The following NELL1 variants were observed in gnomAD, a reference collection of about 807,000 sequenced individuals.
The protein encoded by NELL1 is protein kinase C-binding protein NELL1.
NELL1 carries 76 observed loss-of-function variants against 107.4 expected under a neutral mutation model. The ratio of observed to expected loss-of-function variants is 0.71; its 90% confidence interval spans 0.59 to 0.86. The LOEUF (loss-of-function observed/expected upper bound fraction) is 0.86. Among genes scored for constraint, NELL1 ranks in the 40% least tolerant of loss-of-function variants. NELL1 has a pLI of 0.00. For synonymous variants in NELL1, 353 were observed against 341.2 expected (o/e 1.03, Z -0.38); for missense variants, 1,024 against 1,005.5 (o/e 1.02, Z -0.25).
At chr11:21,119,905 T>C (rs963900884) in intron 13 of NELL1, among the ~76,000 whole-genome samples, 3 of 152,032 alleles carry the variant, frequency 2.0e-5, no homozygotes, top group Admixed American at 6.6e-5. Context: ...ACGCAGGCAG[T>C]TTTAAAGGAG....
Position 20,743,534 on chromosome 11 carries a change from T to A in NELL1, c.185-40146T>A, listed in dbSNP as rs117002194. ...ATTTTCTTTTGTAATTAGTTGTATA[T>A]CTTCTTTAGCCATCACCTAAAGCTA... On this transcript the variant is annotated intron_variant, in intron 2 of 19. Transcript: ENST00000357134. Among the ~76,000 whole-genome samples, 1,408 of 152,302 alleles carry A rather than the reference T, an allele frequency of 9.2e-3. 15 individuals carry two copies. Among genetic ancestry groups the A allele is most frequent in the Admixed American group, 0.019 (291 of 15,294 alleles).
intron 15 of NELL1, among the ~76,000 whole-genome samples, chr11:21,436,799 GT>G (rs991961896): frequency 6.6e-6 from 1 of 151,834 alleles, no homozygotes; most frequent in Non-Finnish European, 1.5e-5. Context: ...TGTCCCATTG[GT>G]TTTGGTATGT....
intron 3 of NELL1, among the ~76,000 whole-genome samples, chr11:20,804,611 G>A (rs964256091): frequency 6.6e-6 from 1 of 152,094 alleles, no homozygotes; most frequent in Non-Finnish European, 1.5e-5. Flanking sequence ...TCTTGTTACT[G>A]ATTTCTAATT....
chr11:21,264,750 A>G (rs1231427649), intron 14 of NELL1, among the ~76,000 whole-genome samples: 2 of 149,838 alleles, frequency 1.3e-5, no homozygotes, highest in African/African-American at 4.9e-5. Context: ...ACAGTTGTGG[A>G]GTGTGTGTGT....
chr11:21,510,650 A>G (rs1855412335), intron 15 of NELL1, among the ~76,000 whole-genome samples: 1 of 152,116 alleles, frequency 6.6e-6, no homozygotes, highest in South Asian at 2.1e-4. Context: ...GAAAAGGTAT[A>G]CCTGTGACTG....
intron 3 of NELL1, among the ~76,000 whole-genome samples, chr11:20,833,854 A>G (rs1391191436): frequency 2.0e-5 from 3 of 152,130 alleles, no homozygotes; most frequent in Non-Finnish European, 2.9e-5. Context: ...GAAGACTTGA[A>G]AGAACGTTGG....
intron 2 of NELL1, among the ~76,000 whole-genome samples, chr11:20,756,715 C>T (rs776026604): frequency 1.3e-5 from 2 of 151,790 alleles, no homozygotes; most frequent in Non-Finnish European, 2.9e-5. Context: ...AACAGCATCC[C>T]GGGCCTCCAC....
intron 14 of NELL1, among the ~76,000 whole-genome samples, chr11:21,261,704 G>T (rs1848536723): frequency 6.6e-6 from 1 of 151,728 alleles, no homozygotes; most frequent in Non-Finnish European, 1.5e-5. Flanking sequence ...CTGCCTCAAA[G>T]GAAAAATCTG....
At chr11:20,919,484 A>G (rs1850331809) in intron 7 of NELL1, 150 bp downstream of exon 7, 4 of 547,822 alleles carry the variant, frequency 7.3e-6, no homozygotes, top group Admixed American at 6.7e-5. Context: ...AAATAGGACT[A>G]CCAATAGTAA....
At chr11:21,242,918 C>A (rs1336707284) in intron 14 of NELL1, among the ~76,000 whole-genome samples, 1 of 152,152 alleles carries the variant, frequency 6.6e-6, no homozygotes, top group African/African-American at 2.4e-5. Context: ...TCCACCTGAG[C>A]TCTGGACCTT....
chr11:21,494,049 T>C (rs1456447234), intron 15 of NELL1, among the ~76,000 whole-genome samples: 1 of 151,980 alleles, frequency 6.6e-6, no homozygotes, highest in African/African-American at 2.4e-5. Flanking sequence ...AGCTAAGCAA[T>C]ATATTTTCAG....
At chr11:21,566,193 C>T (rs917201359) in intron 17 of NELL1, among the ~76,000 whole-genome samples, 12 of 151,852 alleles carry the variant, frequency 7.9e-5, no homozygotes, top group South Asian at 2.1e-4. Context: ...GTACCGTGGG[C>T]ATCCGTTTTC....
At chr11:20,910,337 G>A (rs1358360237) in intron 5 of NELL1, among the ~76,000 whole-genome samples, 1 of 152,204 alleles carries the variant, frequency 6.6e-6, no homozygotes, top group Non-Finnish European at 1.5e-5. Flanking sequence ...ACTAGCCCCA[G>A]ACTTAAGGGA....
intron 15 of NELL1, among the ~76,000 whole-genome samples, chr11:21,404,017 G>T (rs865859051): frequency 2.0e-4 from 3 of 14,686 alleles, no homozygotes; most frequent in South Asian, 3.7e-3. Context: ...CCCCCCCCCC[G>T]CAATCAAAAC....
intron 14 of NELL1, among the ~76,000 whole-genome samples, chr11:21,289,595 G>A (rs1163887157): frequency 1.3e-5 from 2 of 152,198 alleles, no homozygotes; most frequent in Admixed American, 6.5e-5. Flanking sequence ...AGTTTGGGCA[G>A]ACAGGGAGCT....
chr11:20,785,818 A>C (rs983687610), intron 3 of NELL1, among the ~76,000 whole-genome samples: 12 of 152,102 alleles, frequency 7.9e-5, no homozygotes, highest in Non-Finnish European at 1.0e-4. Context: ...ATCCCTTGAC[A>C]CATATACATT....
intron 11 of NELL1, among the ~76,000 whole-genome samples, chr11:20,958,232 A>G (rs1367618969): frequency 1.3e-5 from 2 of 152,096 alleles, no homozygotes; most frequent in African/African-American, 4.8e-5. Context: ...AGCCTGGGCA[A>G]CATAGTGAGA....
chr11:21,098,163 G>A (rs1300242998), intron 12 of NELL1, among the ~76,000 whole-genome samples: 1 of 152,108 alleles, frequency 6.6e-6, no homozygotes, highest in African/African-American at 2.4e-5. Flanking sequence ...ACATTCATGG[G>A]TGGGGCTTCT....
At chr11:21,505,809 C>T (rs1212738012) in intron 15 of NELL1, among the ~76,000 whole-genome samples, 3 of 152,186 alleles carry the variant, frequency 2.0e-5, no homozygotes, top group African/African-American at 7.2e-5. Flanking sequence ...TATTTGTCTA[C>T]ATTTTCTCCA....
Sources: allele counts gnomAD v4.1 joint callset (sites outside exome capture counted in the v4.1 genomes callset), GRCh38; gene constraint gnomAD v4.1.1; transcripts MANE v1.5; gene names NCBI Gene and HGNC (gene_info 2026-07-23, HGNC 2026-07-21).